Variants in RBM47 observed in about 807,000 individuals in gnomAD.
RBM47 encodes the protein RNA binding motif protein 47.
In RBM47, 21 loss-of-function variants were observed where a neutral mutation model predicts 47.1. The ratio of observed to expected loss-of-function variants is 0.45; its 90% CI spans 0.32 to 0.64. RBM47 has a LOEUF of 0.64. Among genes scored for constraint, RBM47 ranks in the 30% least tolerant of loss-of-function variants. RBM47 has a pLI of 0.05. For missense variants in RBM47, 708 were observed against 870.9 expected (o/e 0.81, Z 2.35); for synonymous variants, 375 against 361.7 (o/e 1.04, Z -0.42).
chr4:40,504,070 A>G (rs1311984872), intron 2 of RBM47, among the ~76,000 whole-genome samples: 7 of 152,040 alleles, frequency 4.6e-5, no homozygotes, highest in Admixed American at 2.6e-4. Context: ...TATGGGTGGG[A>G]ATTAGAGTGC....
intron 2 of RBM47, among the ~76,000 whole-genome samples, chr4:40,519,034 A>C (rs1725909139): frequency 6.8e-6 from 1 of 147,850 alleles, no homozygotes; most frequent in Non-Finnish European, 1.5e-5. Flanking sequence ...GTTTCTATAA[A>C]AAAAAAAATA....
intron 2 of RBM47, among the ~76,000 whole-genome samples, chr4:40,470,670 G>A (rs1382934477): frequency 2.0e-5 from 3 of 152,156 alleles, no homozygotes; most frequent in African/African-American, 7.2e-5. Flanking sequence ...ATAAAGCTAA[G>A]CTAAAAATAA....
chr4:40,572,640 T>C lies in RBM47; in HGVS notation c.-239-28134A>G, dbSNP rs141892238. 3.1e-3 allele frequency among the ~76,000 whole-genome samples: 468 copies of C among 152,068 alleles called. 4 individuals are homozygous for C. The highest frequency in any genetic ancestry group is 0.011 in the African/African-American group (451 of 41,536). ...TGGGCCGGCTGTGGTGGCTTATGCCTGTAATCCCAGCACTTTGGGAGACCG... is the reference window on the plus strand; with the variant it reads ...TGGGCCGGCTGTGGTGGCTTATGCCCGTAATCCCAGCACTTTGGGAGACCG... On this transcript the variant is annotated intron_variant, in intron 1 of 6. Coordinates refer to ENST00000295971, the MANE Select transcript of RBM47 (RefSeq NM_001098634.2).
intron 1 of RBM47, among the ~76,000 whole-genome samples, chr4:40,579,691 A>G (rs1389255829): frequency 1.3e-5 from 2 of 151,678 alleles, no homozygotes; most frequent in African/African-American, 2.4e-5. Flanking sequence ...GCTCTGAAGC[A>G]TTTTTCTCTG....
intron 3 of RBM47, among the ~76,000 whole-genome samples, chr4:40,452,168 T>C (rs1351891289): frequency 7.5e-6 from 1 of 133,710 alleles, no homozygotes; most frequent in Admixed American, 7.8e-5. Flanking sequence ...AGACTCCATC[T>C]CAAAAAAAAA....
intron 2 of RBM47, among the ~76,000 whole-genome samples, chr4:40,524,374 T>C (rs1303010033): frequency 6.6e-6 from 1 of 152,228 alleles, no homozygotes; most frequent in Non-Finnish European, 1.5e-5. Flanking sequence ...CTTGTACCTA[T>C]TAGGCTTACA....
intron 2 of RBM47, among the ~76,000 whole-genome samples, chr4:40,524,205 T>C (rs1376098409): frequency 6.6e-6 from 1 of 152,200 alleles, no homozygotes; most frequent in African/African-American, 2.4e-5. Context: ...CAGTGCTAAA[T>C]TCTCGACATA....
At chr4:40,431,909 T>C (rs1227037584) in intron 6 of RBM47, among the ~76,000 whole-genome samples, 1 of 151,776 alleles carries the variant, frequency 6.6e-6, no homozygotes, top group Non-Finnish European at 1.5e-5. Context: ...AGTGCAGTAG[T>C]GCAATCACAG....
chr4:40,423,652 TTTTCTTTCTTTCTTTC>T lies in RBM47; in HGVS notation c.*2236_*2251del, dbSNP rs56334700. On this transcript the variant is annotated 3_prime_UTR_variant, in exon 7 of 7. Coordinates refer to ENST00000295971, the MANE Select transcript of RBM47 (RefSeq NM_001098634.2). ...TCATTTTTTTTTATTCTTTCTTTCTTTTTCTTTCTTTCTTTCTTTCTTTCTTTCTTTCTTTCTTTCT... is the reference window on the plus strand; with the variant it reads ...TCATTTTTTTTTATTCTTTCTTTCTTTTTCTTTCTTTCTTTCTTTCTTTCT... 0.061 allele frequency: 7,874 copies of T among 129,100 alleles called. 294 individuals are homozygous for T. Among genetic ancestry groups the T allele is most frequent in the Non-Finnish European group, 0.076 (4,643 of 61,268 alleles). The allele number at this position is 129,100 out of a possible 1,614,324, so 8.0% of individuals were successfully genotyped here.
Position 40,510,119 on chromosome 4 carries a change from G to A in RBM47, c.-155+34303C>T, listed in dbSNP as rs145981802. On this transcript the variant is annotated intron_variant, in intron 2 of 6. Transcript: ENST00000295971. ...GGAGAACTGCTTGAACCTAGGAGGC[G>A]GAGGCTGCAATTAGCCAAGATAGCG... Among the ~76,000 whole-genome samples the A allele has an allele frequency of 8.4e-3, 1,265 of 150,546 alleles. 21 individuals carry two copies. Among genetic ancestry groups the A allele is most frequent in the African/African-American group, 0.03 (1,217 of 40,834 alleles).
At chr4:40,607,240 GAA>G (rs1735845857) in intron 1 of RBM47, among the ~76,000 whole-genome samples, 1 of 152,096 alleles carries the variant, frequency 6.6e-6, no homozygotes, top group Non-Finnish European at 1.5e-5. Flanking sequence ...TATGCTAAGA[GAA>G]ATAAGCCAGA....
At chr4:40,563,537 A>T (rs1349286920) in intron 1 of RBM47, among the ~76,000 whole-genome samples, 1 of 152,206 alleles carries the variant, frequency 6.6e-6, no homozygotes, top group Non-Finnish European at 1.5e-5. Context: ...AAGAAACCTG[A>T]GATTCAGAGA....
intron 3 of RBM47, among the ~76,000 whole-genome samples, chr4:40,450,881 G>T (rs1400217944): frequency 1.3e-5 from 2 of 152,114 alleles, no homozygotes; most frequent in Non-Finnish European, 2.9e-5. Flanking sequence ...GGGGCAGGGG[G>T]TGCGCATAAA....
intron 2 of RBM47, among the ~76,000 whole-genome samples, chr4:40,498,354 G>A (rs1351994389): frequency 1.3e-5 from 2 of 151,882 alleles, no homozygotes; most frequent in Non-Finnish European, 2.9e-5. Context: ...TTCCTCTTGG[G>A]AATTCTTGAA....
At chr4:40,599,806 T>C (rs979689165) in intron 1 of RBM47, among the ~76,000 whole-genome samples, 1 of 151,396 alleles carries the variant, frequency 6.6e-6, no homozygotes, top group Non-Finnish European at 1.5e-5. Context: ...CCCCAGGTAA[T>C]GCACATGTAG....
intron 3 of RBM47, among the ~76,000 whole-genome samples, chr4:40,448,232 C>T (rs948500304): frequency 6.6e-6 from 1 of 151,858 alleles, no homozygotes; most frequent in South Asian, 2.1e-4. Flanking sequence ...TACAAGTTAA[C>T]TTTGGTTCAC....
chr4:40,603,639 G>A (rs1215584042), intron 1 of RBM47, among the ~76,000 whole-genome samples: 1 of 147,796 alleles, frequency 6.8e-6, no homozygotes, highest in Non-Finnish European at 1.5e-5. Context: ...GTCTCATCCT[G>A]TCACCCAGGC....
Position 40,510,187 on chromosome 4 carries a change from C to CAAA in RBM47, c.-155+34232_-155+34234dup, listed in dbSNP as rs1192114584. 6.6e-4 allele frequency among the ~76,000 whole-genome samples: 69 copies of CAAA among 104,164 alleles called. 1 individual carries two copies. Among genetic ancestry groups the CAAA allele is most frequent in the African/African-American group, 2.2e-3 (60 of 27,448 alleles). The allele number at this position is 104,164 out of a possible 152,430, so 68.3% of individuals were successfully genotyped here. Reference sequence around the variant, plus strand: ...GGGCAACAAGAGTGAAACTCCATCTCAAAAAAAAAAAAAAAAAAAAGTAAA... The same window carrying CAAA: ...GGGCAACAAGAGTGAAACTCCATCTCAAAAAAAAAAAAAAAAAAAAAAAGTAAA... On this transcript the variant is annotated intron_variant, in intron 2 of 6. Transcript: ENST00000295971.
chr4:40,548,989 T>C (rs1729283555), intron 1 of RBM47, among the ~76,000 whole-genome samples: 1 of 152,006 alleles, frequency 6.6e-6, no homozygotes, highest in Non-Finnish European at 1.5e-5. Flanking sequence ...TTATGATCAA[T>C]GAGAAAATGA....
Sources: gnomAD v4.1 joint callset for allele counts (sites outside exome capture counted in the v4.1 genomes callset) on GRCh38, gnomAD v4.1.1 for gene constraint, MANE v1.5 for transcripts, NCBI Gene and HGNC (gene_info 2026-07-23, HGNC 2026-07-21) for gene names.